Variants in GABRG1 observed in about 807,000 individuals in gnomAD.
GABRG1 encodes gamma-aminobutyric acid receptor subunit gamma-1.
Under a neutral mutation model 49.8 loss-of-function variants are expected in GABRG1, and 49 were observed. The observed-to-expected ratio is 0.98, with a 90% CI of 0.78 to 1.25. The LOEUF (loss-of-function observed/expected upper bound fraction) is 1.25. GABRG1 is among the 50% of genes most tolerant of loss of function. The pLI is 0.00. For synonymous variants in GABRG1, 232 were observed against 185.1 expected, an observed-to-expected ratio of 1.25 and a Z score of -2.06; for missense variants, 552 against 552.3, an observed-to-expected ratio of 1.00 and a Z score of 0.01.
intron 1 of GABRG1, among the ~76,000 whole-genome samples, chr4:46,106,136 T>G (rs928332585): frequency 1.3e-5 from 2 of 151,478 alleles, no homozygotes; most frequent in Non-Finnish European, 3.0e-5. Context: ...CCAAGTTGTT[T>G]AGAATAGGGT....
chr4:46,097,192 C>G lies in GABRG1; in HGVS notation c.253+9G>C, dbSNP rs749934206. 5 of 1,593,636 alleles carry G rather than the reference C, an allele frequency of 3.1e-6. No individual in the cohort carries two copies. Among genetic ancestry groups the G allele is most frequent in the Non-Finnish European group, 4.3e-6 (5 of 1,171,102 alleles). Reference sequence around the variant, plus strand: ...TCATCAAAATCCCAGAATGGTAACTCAAGCTTACCTCCTATATCTGGACGA... The same window carrying G: ...TCATCAAAATCCCAGAATGGTAACTGAAGCTTACCTCCTATATCTGGACGA... On this transcript the variant is annotated intron_variant, in intron 2 of 8. Transcript: ENST00000295452.
rs148202098 is a variant in GABRG1 at position 46,123,866 on chromosome 4, A to T, written c.48T>A (p.Ser16Arg). ...AGACCAACCTCACCCCTCTACTTTG[A>T]CTCCGCAGAAGAAAAGGGGAGAAGA... ...AFLFSPFLLR[S>R]QSRGVRLVFL... Residue 16 changes from serine to arginine, a missense_variant, in exon 1 of 9, where the codon AGT (serine) becomes AGA (arginine). Ser to Arg is a moderately radical substitution (Grantham distance 110, BLOSUM62 -1). Coordinates refer to ENST00000295452, the MANE Select transcript of GABRG1 (RefSeq NM_173536.4). The T allele has an allele frequency of 1.9e-4, 304 of 1,613,646 alleles. 2 individuals carry two copies. The Middle Eastern group carries it at 4.5e-3, about 24-fold the overall frequency.
intron 1 of GABRG1, among the ~76,000 whole-genome samples, chr4:46,104,351 C>T (rs1356908129): frequency 6.6e-6 from 1 of 151,480 alleles, no homozygotes; most frequent in African/African-American, 2.4e-5. Context: ...AAACAAAACG[C>T]TCTACATTCT....
chr4:46,087,661 A>G (rs940021426), intron 2 of GABRG1, among the ~76,000 whole-genome samples: 3 of 151,900 alleles, frequency 2.0e-5, no homozygotes, highest in African/African-American at 7.2e-5. Flanking sequence ...ACATGTCCCA[A>G]GAAGGAAAAC....
Position 46,061,814 on chromosome 4 carries a change from A to AT in GABRG1, c.625+2626dup, listed in dbSNP as rs71193839. ...AGAAATAGCATAAGTTACCACTTAC[A>AT]TTTTTTTTTTTTTGGTTTTGTTTTC... On this transcript the variant is annotated intron_variant, in intron 5 of 8. Coordinates refer to ENST00000295452, the MANE Select transcript of GABRG1 (RefSeq NM_173536.4). Among the ~76,000 whole-genome samples, 616 of 144,724 alleles carry AT rather than the reference A, an allele frequency of 4.3e-3. 12 individuals are homozygous for AT. The East Asian group carries it at 0.058, about 14-fold the overall frequency. The allele number at this position is 144,724 out of a possible 152,430, so 94.9% of individuals were successfully genotyped here.
In GABRG1 at chr4:46,123,829, T is replaced by A; in HGVS notation, c.85A>T (p.Thr29Ser). Residue 29 changes from threonine (T) to serine (S), a missense_variant, in exon 1 of 9, where the codon ACC becomes TCC. Thr to Ser is a moderately conservative substitution (Grantham distance 58). Coordinates refer to ENST00000295452, the MANE Select transcript of GABRG1 (RefSeq NM_173536.4). The part of the protein sequence containing the change: ...RGVRLVFLLL[T>S]LHLGNCVDKA... ...ACTCACCAGTTTCCCAAATGCAGGGTCAGTAACAAGAAGACCAACCTCACC... is the reference window on the plus strand; with the variant it reads ...ACTCACCAGTTTCCCAAATGCAGGGACAGTAACAAGAAGACCAACCTCACC... The A allele has an allele frequency of 6.2e-7, 1 of 1,613,322 alleles. No individual in the cohort carries two copies. The highest frequency in any genetic ancestry group is 8.5e-7 in the Non-Finnish European group (1 of 1,179,554).
At chr4:46,084,690 T>C (rs1298962465) in intron 2 of GABRG1, among the ~76,000 whole-genome samples, 1 of 151,728 alleles carries the variant, frequency 6.6e-6, no homozygotes, top group Non-Finnish European at 1.5e-5. Flanking sequence ...TTATATTGCA[T>C]ACGTATTTAA....
At position 46,058,281 on chromosome 4, in the gene GABRG1, T is replaced by C. The variant is rs1048478263; in HGVS notation, c.852A>G (p.Thr284=). 9 of 1,613,270 alleles carry C rather than the reference T, an allele frequency of 5.6e-6. No individual in the cohort carries two copies. The highest frequency in any genetic ancestry group is 1.3e-5 in the African/African-American group (1 of 74,912). Reference sequence around the variant, plus strand: ...AAAAAGACACCCAAGAAAGAACAACTGTCAGAATGCATGGAATGTAGGTCT... The same window carrying C: ...AAAAAGACACCCAAGAAAGAACAACCGTCAGAATGCATGGAATGTAGGTCT... ...TIQTYIPCIL[T]VVLSWVSFWI... Residue 284 remains threonine (T), a synonymous_variant, in exon 7 of 9, where the codon ACA becomes ACG. Transcript: ENST00000295452.
At chr4:46,118,132 G>GTGTGTATATA (rs377481920) in intron 1 of GABRG1, among the ~76,000 whole-genome samples, 5 of 109,984 alleles carry the variant, frequency 4.5e-5, no homozygotes, top group African/African-American at 2.2e-4. Flanking sequence ...GTGTGTGTGT[G>GTGTGTATATA]TATATATATA....
At chr4:46,122,357 A>G (rs1166124733) in intron 1 of GABRG1, among the ~76,000 whole-genome samples, 2 of 152,156 alleles carry the variant, frequency 1.3e-5, no homozygotes, top group East Asian at 3.9e-4. Flanking sequence ...AAACTACTGT[A>G]AATCTGTTTT....
intron 3 of GABRG1, among the ~76,000 whole-genome samples, chr4:46,081,641 G>A (rs1287905813): frequency 6.6e-6 from 1 of 151,790 alleles, no homozygotes; most frequent in East Asian, 1.9e-4. Flanking sequence ...ATAAAATGAA[G>A]AGGAAAATCA....
chr4:46,116,589 T>C (rs189429755), intron 1 of GABRG1, among the ~76,000 whole-genome samples: 202 of 150,938 alleles, frequency 1.3e-3, no homozygotes, highest in Middle Eastern at 6.8e-3. Context: ...GAAACATATA[T>C]ATTTTTCTAA....
intron 1 of GABRG1, among the ~76,000 whole-genome samples, chr4:46,116,859 T>C (rs1720909696): frequency 6.6e-6 from 1 of 150,748 alleles, no homozygotes; most frequent in African/African-American, 2.4e-5. Context: ...ATACTTAAGT[T>C]CAATCCAGCC....
At chr4:46,041,310 C>G in intron 8 of GABRG1, 56 bp from the exon 9 acceptor site, 5 of 1,557,072 alleles carry the variant, frequency 3.2e-6, no homozygotes, top group Non-Finnish European at 4.4e-6. Flanking sequence ...AAGGAAAGAT[C>G]AATTTGCTCC....
intron 2 of GABRG1, 140 bp downstream of exon 2, chr4:46,097,061 T>C: frequency 1.4e-6 from 1 of 728,834 alleles, no homozygotes; most frequent in Non-Finnish European, 2.0e-6. Context: ...TTAGTGACCA[T>C]TCTAACCAAT....
At chr4:46,046,884 C>G (rs1205081304) in intron 8 of GABRG1, among the ~76,000 whole-genome samples, 1 of 152,066 alleles carries the variant, frequency 6.6e-6, no homozygotes, top group Non-Finnish European at 1.5e-5. Context: ...TGCTTAAAAA[C>G]GTGTATAACT....
chr4:46,117,612 C>CTA (rs1192602783), intron 1 of GABRG1, among the ~76,000 whole-genome samples: 4,463 of 140,052 alleles, frequency 0.032, 144 homozygotes, highest in African/African-American at 0.078. Flanking sequence ...CTCTCTCTCT[C>CTA]TATATATATA....
Position 46,119,535 on chromosome 4 carries a change from T to C in GABRG1, c.104+4275A>G, listed in dbSNP as rs577149242. ...TATCGAGGCTATATTCTTCTTCTTC[T>C]TCTCATTAGGTAATTTGGCTAAGTA... On this transcript the variant is annotated intron_variant, in intron 1 of 8. Coordinates refer to ENST00000295452, the MANE Select transcript of GABRG1 (RefSeq NM_173536.4). Among the ~76,000 whole-genome samples, 19 of 151,588 alleles carry C rather than the reference T, an allele frequency of 1.3e-4. No individual in the cohort carries two copies. In the South Asian group the frequency reaches 3.9e-3, roughly 31 times the overall value.
chr4:46,099,518 T>A (rs150658850), intron 1 of GABRG1, among the ~76,000 whole-genome samples: 1 of 151,858 alleles, frequency 6.6e-6, no homozygotes, highest in East Asian at 2.0e-4. Context: ...TAATGTGTCT[T>A]GGCAGATTGC....
Sources: allele counts gnomAD v4.1 joint callset (sites outside exome capture counted in the v4.1 genomes callset), GRCh38; gene constraint gnomAD v4.1.1; transcripts MANE v1.5; gene names NCBI Gene and HGNC (gene_info 2026-07-23, HGNC 2026-07-21).